SEMA3E: variants seen among roughly 807,000 people sequenced by gnomAD.
The protein encoded by SEMA3E is semaphorin-3E.
Under a neutral mutation model 93.6 loss-of-function variants are expected in SEMA3E, and 49 were observed. That is an observed-to-expected ratio of 0.52 (90% confidence interval 0.42 to 0.66). The LOEUF is 0.66. Ranked by LOEUF, SEMA3E falls within the 30% of genes least tolerant of loss-of-function variation. The pLI, the probability that SEMA3E is intolerant of heterozygous loss-of-function variation, is 0.00. For synonymous variants in SEMA3E, 363 were observed against 330.7 expected (o/e 1.10, Z -1.06); for missense variants, 906 against 964.8 (o/e 0.94, Z 0.81).
At chr7:83,477,803 C>A (rs1043853583) in intron 2 of SEMA3E, among the ~76,000 whole-genome samples, 1 of 151,988 alleles carries the variant, frequency 6.6e-6, no homozygotes, top group South Asian at 2.1e-4. Context: ...AATACAAGAA[C>A]TTTTTACACC....
intron 4 of SEMA3E, among the ~76,000 whole-genome samples, chr7:83,445,659 A>T (rs1315408652): frequency 6.6e-6 from 1 of 152,198 alleles, no homozygotes; most frequent in Admixed American, 6.5e-5. Flanking sequence ...CAGACGTTGC[A>T]GTGAGCCAAG....
At chr7:83,423,136 C>A (rs921134543) in intron 4 of SEMA3E, among the ~76,000 whole-genome samples, 1 of 152,144 alleles carries the variant, frequency 6.6e-6, no homozygotes. Flanking sequence ...TGAAAACAAT[C>A]AAATGGCACC....
chr7:83,417,746 T>A (rs1584234854), intron 5 of SEMA3E, among the ~76,000 whole-genome samples: 1 of 152,108 alleles, frequency 6.6e-6, no homozygotes, highest in Non-Finnish European at 1.5e-5. Flanking sequence ...TGCAGGAAAA[T>A]ATTACTTAGT....
At chr7:83,404,826 C>A (rs1788297063) in intron 9 of SEMA3E, among the ~76,000 whole-genome samples, 1 of 151,738 alleles carries the variant, frequency 6.6e-6, no homozygotes, top group African/African-American at 2.4e-5. Flanking sequence ...AGAAATTTTT[C>A]TTGGATATGG....
chr7:83,403,571 A>T (rs1788271603), intron 9 of SEMA3E, among the ~76,000 whole-genome samples: 1 of 152,028 alleles, frequency 6.6e-6, no homozygotes, highest in African/African-American at 2.4e-5. Flanking sequence ...CATATTCCTT[A>T]ATTTAGCATG....
intron 1 of SEMA3E, among the ~76,000 whole-genome samples, chr7:83,602,852 G>T (rs1793026464): frequency 6.6e-6 from 1 of 151,920 alleles, no homozygotes; most frequent in Non-Finnish European, 1.5e-5. Context: ...ATCCTATACT[G>T]TAGTAATACA....
Position 83,375,966 on chromosome 7 carries a change from G to A in SEMA3E, c.1876-7928C>T, listed in dbSNP as rs73707803. Among the ~76,000 whole-genome samples, 534 of 152,090 alleles carry A rather than the reference G, an allele frequency of 3.5e-3. 5 individuals are homozygous for A. Among genetic ancestry groups the A allele is most frequent in the African/African-American group, 0.012 (505 of 41,530 alleles). On this transcript the variant is annotated intron_variant, in intron 16 of 16. Transcript: ENST00000643230. ...CCTAATTATTGTGCAACTAAAAAAT[G>A]AGATAAATGATATTATACAAATATG... is the stretch of plus-strand genomic sequence containing the variant.
chr7:83,605,299 T>C (rs1443604999), intron 1 of SEMA3E, among the ~76,000 whole-genome samples: 1 of 152,174 alleles, frequency 6.6e-6, no homozygotes, highest in Non-Finnish European at 1.5e-5. Context: ...ATCTATTGTT[T>C]CCTGACTTTT....
chr7:83,615,114 T>G (rs540295872), intron 1 of SEMA3E, among the ~76,000 whole-genome samples: 113 of 152,182 alleles, frequency 7.4e-4, no homozygotes, highest in Middle Eastern at 3.4e-3. Context: ...AACACAATCT[T>G]CATCATAACT....
At chr7:83,490,068 C>T (rs1435518036) in intron 2 of SEMA3E, 46 bp downstream of exon 2, 6 of 1,575,706 alleles carry the variant, frequency 3.8e-6, no homozygotes, top group Non-Finnish European at 5.2e-6. Flanking sequence ...CTTGAAATTT[C>T]CCCCCTTTTC....
At chr7:83,560,863 A>G (rs1792017339) in intron 1 of SEMA3E, among the ~76,000 whole-genome samples, 1 of 152,042 alleles carries the variant, frequency 6.6e-6, no homozygotes. Context: ...TTCATGCTAA[A>G]TATCTTTATA....
intron 4 of SEMA3E, among the ~76,000 whole-genome samples, chr7:83,457,625 T>G (rs1363053569): frequency 6.6e-6 from 1 of 152,180 alleles, no homozygotes; most frequent in Non-Finnish European, 1.5e-5. Context: ...AATACCTTCA[T>G]GATCTCTCAT....
chr7:83,549,692 T>G (rs1791721192), intron 1 of SEMA3E, among the ~76,000 whole-genome samples: 1 of 152,064 alleles, frequency 6.6e-6, no homozygotes, highest in Non-Finnish European at 1.5e-5. Flanking sequence ...CATGTAAAAA[T>G]GACTTTATCC....
chr7:83,507,424 CTGTGTGTG>C (rs4016317), intron 1 of SEMA3E, among the ~76,000 whole-genome samples: 2,035 of 125,980 alleles, frequency 0.016, 53 homozygotes, highest in African/African-American at 0.052. Flanking sequence ...AAACAGAACT[CTGTGTGTG>C]TGTGTGTGTG....
At chr7:83,465,371 C>G (rs768363115) in intron 4 of SEMA3E, among the ~76,000 whole-genome samples, 1 of 152,128 alleles carries the variant, frequency 6.6e-6, no homozygotes, top group Admixed American at 6.5e-5. Flanking sequence ...TCTCTTCACA[C>G]GGATGCACAT....
At chr7:83,635,016 T>A (rs1793854715) in intron 1 of SEMA3E, among the ~76,000 whole-genome samples, 1 of 152,064 alleles carries the variant, frequency 6.6e-6, no homozygotes, top group Non-Finnish European at 1.5e-5. Context: ...TAGCTCAAGT[T>A]TATCCAGACC....
chr7:83,578,511 G>A (rs562467766), intron 1 of SEMA3E, among the ~76,000 whole-genome samples: 1 of 151,944 alleles, frequency 6.6e-6, no homozygotes, highest in Admixed American at 6.6e-5. Flanking sequence ...AGCTAAGATC[G>A]TGCTTCTACA....
At chr7:83,507,631 A>G (rs372053913) in intron 1 of SEMA3E, among the ~76,000 whole-genome samples, 37 of 152,108 alleles carry the variant, frequency 2.4e-4, no homozygotes, top group Admixed American at 6.6e-4. Context: ...AGGGAAAAGA[A>G]ACATGACAAT....
chr7:83,423,208 A>G (rs1461776819), intron 4 of SEMA3E, among the ~76,000 whole-genome samples: 2 of 152,290 alleles, frequency 1.3e-5, no homozygotes, highest in Non-Finnish European at 2.9e-5. Context: ...ACGTAAATCT[A>G]CCTTAGTCTG....
Sources: gnomAD v4.1 joint callset for allele counts (sites outside exome capture counted in the v4.1 genomes callset) on GRCh38, gnomAD v4.1.1 for gene constraint, MANE v1.5 for transcripts, NCBI Gene and HGNC (gene_info 2026-07-23, HGNC 2026-07-21) for gene names.